FRMPD2: variants seen among roughly 807,000 people sequenced by gnomAD.
The protein encoded by FRMPD2 is FERM and PDZ domain-containing protein 2.
A neutral mutation model predicts 140.1 loss-of-function variants in FRMPD2; 96 were observed. That is an observed-to-expected ratio of 0.69 (90% CI 0.58 to 0.81). FRMPD2 has a LOEUF of 0.81. Among genes scored for constraint, FRMPD2 ranks in the 40% least tolerant of loss-of-function variants. The probability of loss-of-function intolerance (pLI) is 0.00; values close to 1 mark genes in which losing one functional copy is unlikely to be tolerated. For synonymous variants in FRMPD2, 449 were observed against 547.6 expected (o/e 0.82, Z 2.52); for missense variants, 1,240 against 1,447.4 (o/e 0.86, Z 2.32).
intron 12 of FRMPD2, among the ~76,000 whole-genome samples, chr10:48,219,019 T>C (rs1051371776): frequency 9.2e-5 from 14 of 152,126 alleles, no homozygotes; most frequent in African/African-American, 3.1e-4. Flanking sequence ...TGCGAAAAAG[T>C]ATCCAGAGGG....
intron 14 of FRMPD2, among the ~76,000 whole-genome samples, chr10:48,202,506 G>A (rs1839109852): frequency 6.6e-6 from 1 of 152,120 alleles, no homozygotes; most frequent in African/African-American, 2.4e-5. Flanking sequence ...TACTTTTACT[G>A]ACAAGTATAG....
chr10:48,203,458 A>C (rs1486783736), intron 14 of FRMPD2, among the ~76,000 whole-genome samples: 1 of 152,096 alleles, frequency 6.6e-6, no homozygotes, highest in African/African-American at 2.4e-5. Flanking sequence ...CTTTCTTTAC[A>C]TTTCTGTGGT....
chr10:48,214,326 TCAA>T (rs1180186884), intron 12 of FRMPD2, among the ~76,000 whole-genome samples: 9 of 152,336 alleles, frequency 5.9e-5, no homozygotes, highest in Admixed American at 5.2e-4. Context: ...CTATTTGACT[TCAA>T]CAATAGCATA....
chr10:48,194,486 C>T (rs1385289896), intron 15 of FRMPD2, among the ~76,000 whole-genome samples: 3 of 152,114 alleles, frequency 2.0e-5, no homozygotes, highest in Non-Finnish European at 4.4e-5. Flanking sequence ...TACCCACAGG[C>T]GGATATTCTA....
intron 6 of FRMPD2, 60 bp from the exon 7 acceptor site, chr10:48,239,752 C>T (rs1003823522): frequency 1.7e-5 from 21 of 1,251,706 alleles, no homozygotes; most frequent in Non-Finnish European, 2.2e-5. Context: ...TTTCTTAAAT[C>T]AGGCATCTCA....
At chr10:48,251,505 T>G (rs929877616) in intron 2 of FRMPD2, 61 bp downstream of exon 2, 25 of 1,598,808 alleles carry the variant, frequency 1.6e-5, no homozygotes, top group African/African-American at 2.7e-5. Flanking sequence ...AGAACTGTGT[T>G]TGTGTGGGAA....
At chr10:48,161,347 A>G (rs1837935558) in intron 28 of FRMPD2, among the ~76,000 whole-genome samples, 1 of 151,094 alleles carries the variant, frequency 6.6e-6, no homozygotes, top group Admixed American at 6.6e-5. Context: ...GCCAAATTTA[A>G]TTTGGTTCAG....
chr10:48,174,493 T>C lies in FRMPD2; in HGVS notation c.3075+377A>G, dbSNP rs1298223284. On this transcript the variant is annotated intron_variant, in intron 24 of 28. Transcript: ENST00000374201. Reference sequence around the variant, plus strand: ...GGAGTGGGGTCATCCTATGCAAACGTAGGGAGGTAAGAAGGCCCATGGACA... The same window carrying C: ...GGAGTGGGGTCATCCTATGCAAACGCAGGGAGGTAAGAAGGCCCATGGACA... 7.9e-5 allele frequency among the ~76,000 whole-genome samples: 12 copies of C among 151,946 alleles called. 1 individual carries two copies. In the East Asian group the frequency reaches 2.3e-3, roughly 30 times the overall value.
At chr10:48,265,690 T>C (rs1840665373) in intron 1 of FRMPD2, among the ~76,000 whole-genome samples, 1 of 152,102 alleles carries the variant, frequency 6.6e-6, no homozygotes, top group Non-Finnish European at 1.5e-5. Context: ...CTGGTCAGAA[T>C]GGCTATTAAT....
Position 48,211,937 on chromosome 10 carries a change from G to C in FRMPD2, c.1611+17C>G. ...CCTTGAAGACCAACACCTCTCTCCA[G>C]GTCAGGAAGGCCTTACCCTCAAGAA... On this transcript the variant is annotated intron_variant, in intron 13 of 28. Coordinates refer to ENST00000374201, the MANE Select transcript of FRMPD2 (RefSeq NM_001018071.4). 1.2e-6 allele frequency: 2 copies of C among 1,610,776 alleles called. No individual in the cohort carries two copies. The highest frequency in any genetic ancestry group is 8.5e-7 in the Non-Finnish European group (1 of 1,178,426).
At chr10:48,160,204 T>C (rs1252246364) in intron 28 of FRMPD2, among the ~76,000 whole-genome samples, 2 of 151,634 alleles carry the variant, frequency 1.3e-5, no homozygotes, top group Non-Finnish European at 2.9e-5. Context: ...TGTACTGTAC[T>C]GCTTTATTAC....
rs149378669 is a variant in FRMPD2 at position 48,206,798 on chromosome 10, T to C, written c.1747A>G (p.Ile583Val). 6 of 1,613,954 alleles carry C rather than the reference T, an allele frequency of 3.7e-6. No individual in the cohort carries two copies. Among genetic ancestry groups the C allele is most frequent in the Non-Finnish European group, 5.1e-6 (6 of 1,179,940 alleles). The change falls in exon 14 of 29, where the codon ATT becomes GTT. Residue 583 changes from isoleucine to valine, a missense_variant. Physicochemically the swap from Ile to Val is conservative, Grantham distance 29. Around this residue, in one of 6 missense-constraint regions of FRMPD2, gnomAD observed 1,161 missense variants for 1,055.9 expected, o/e 1.10. Transcript: ENST00000374201. ...CTCCACTGAAACCGTAACATTGCAA[T>C]TCTGCTGTTGTTTTTCACTTCATAG... is the stretch of plus-strand genomic sequence containing the variant. ...IVYEVKNNSR[I>V]AMLRFQWRET...
intron 12 of FRMPD2, among the ~76,000 whole-genome samples, chr10:48,215,905 G>C (rs1839436356): frequency 6.6e-6 from 1 of 152,140 alleles, no homozygotes; most frequent in African/African-American, 2.4e-5. Flanking sequence ...TGACTGTGAG[G>C]GTGTTTTTGG....
At chr10:48,243,004 C>T (rs1840162018) in intron 4 of FRMPD2, among the ~76,000 whole-genome samples, 1 of 152,226 alleles carries the variant, frequency 6.6e-6, no homozygotes, top group Admixed American at 6.5e-5. Context: ...TTCTCAAGCT[C>T]AACACACACT....
At chr10:48,232,074 G>A (rs1839860009) in intron 10 of FRMPD2, 41 bp downstream of exon 10, 1 of 1,602,754 alleles carries the variant, frequency 6.2e-7, no homozygotes. Context: ...TGGGTTACCA[G>A]AGGCACCAGG....
chr10:48,274,015 T>A (rs1297142339), intron 1 of FRMPD2, among the ~76,000 whole-genome samples: 1 of 152,222 alleles, frequency 6.6e-6, no homozygotes, highest in Admixed American at 6.5e-5. Context: ...AGGCATACCC[T>A]GAGTCTTCTT....
intron 15 of FRMPD2, among the ~76,000 whole-genome samples, chr10:48,197,948 CT>C (rs1838991479): frequency 6.6e-6 from 1 of 152,168 alleles, no homozygotes. Context: ...CCTCCTGGGG[CT>C]GCTTGACCAG....
At chr10:48,222,037 T>A (rs79610490) in intron 12 of FRMPD2, among the ~76,000 whole-genome samples, 5,161 of 123,384 alleles carry the variant, frequency 0.042, 112 homozygotes, top group Non-Finnish European at 0.049. Context: ...TGGATGGATA[T>A]ATGAATAGGT....
intron 16 of FRMPD2, 22 bp downstream of exon 16, chr10:48,192,662 A>G (rs758418695): frequency 5.0e-6 from 8 of 1,604,728 alleles, no homozygotes; most frequent in South Asian, 4.4e-5. Flanking sequence ...TTGGGCCCAG[A>G]GAACAAATGT....
Sources: allele counts gnomAD v4.1 joint callset (sites outside exome capture counted in the v4.1 genomes callset), GRCh38; gene constraint gnomAD v4.1.1; regional missense constraint gnomAD v4.1.1; transcripts MANE v1.5; gene names NCBI Gene and HGNC (gene_info 2026-07-23, HGNC 2026-07-21).